ADSL: variants seen among roughly 807,000 people sequenced by gnomAD.
ADSL encodes adenylosuccinate lyase.
A neutral mutation model predicts 62.1 loss-of-function variants in ADSL; 44 were observed. The ratio of observed to expected loss-of-function variants is 0.71; its 90% CI spans 0.56 to 0.91. The LOEUF is 0.91. ADSL is among the 40% of genes least tolerant of loss of function. The pLI is 0.00. For synonymous variants in ADSL, 198 were observed against 220.5 expected (o/e 0.90, Z 0.90); for missense variants, 531 against 627.4 (o/e 0.85, Z 1.64).
chr22:40,356,803 A>G (rs1463393920), intron 4 of ADSL, among the ~76,000 whole-genome samples: 1 of 152,120 alleles, frequency 6.6e-6, no homozygotes. Context: ...TGATTATACC[A>G]GCGTGTGCCA....
intron 1 of ADSL, among the ~76,000 whole-genome samples, chr22:40,347,900 A>G (rs1263638076): frequency 6.6e-6 from 1 of 152,232 alleles, no homozygotes; most frequent in African/African-American, 2.4e-5. Flanking sequence ...GTGATGTACT[A>G]GTGTGTACTC....
chr22:40,347,469 C>T (rs1351808250), intron 1 of ADSL: 2 of 152,246 alleles, frequency 1.3e-5, no homozygotes, highest in African/African-American at 4.8e-5. Flanking sequence ...GAAGGTGATC[C>T]AGAGAGCGAT....
intron 1 of ADSL, among the ~76,000 whole-genome samples, chr22:40,349,181 G>A (rs995848657): frequency 1.3e-5 from 2 of 152,098 alleles, no homozygotes; most frequent in African/African-American, 4.8e-5. Flanking sequence ...AAAATGTCAT[G>A]TGGTGATAAG....
chr22:40,370,173 CTACTAAAAATACTG>C (rs1328865321), downstream of ADSL, among the ~76,000 whole-genome samples: 2 of 151,880 alleles, frequency 1.3e-5, no homozygotes, highest in Admixed American at 6.6e-5. Context: ...AACCCCGTCT[CTACTAAAAATACTG>C]TACTAAAAAT....
chr22:40,359,323 G>T lies in ADSL; in HGVS notation c.701+17G>T, dbSNP rs1231653164. The T allele has an allele frequency of 6.2e-7, 1 of 1,613,000 alleles. No homozygotes were observed. The highest frequency in any genetic ancestry group is 1.3e-5 in the African/African-American group (1 of 74,890). On this transcript the variant is annotated intron_variant, in intron 6 of 12. Transcript: ENST00000623063. ...ATTTAAGAGGTAGGTAAATGGGAAT[G>T]TGTTGGCCTCCCTGTTAAGTTGATG...
At chr22:40,378,058 T>C (rs937515445) in intron 2 of ADSL, 2 of 152,174 alleles carry the variant, frequency 1.3e-5, no homozygotes, top group Admixed American at 6.5e-5. Flanking sequence ...ACTGTCTTGG[T>C]ATGTGGAAAT....
chr22:40,364,152 C>T (rs2044903975), intron 10 of ADSL, 124 bp from the exon 11 acceptor site: 2 of 758,394 alleles, frequency 2.6e-6, no homozygotes, highest in South Asian at 2.9e-5. Context: ...AATAAAACAA[C>T]TTGTTACTCT....
chr22:40,360,301 T>A, intron 6 of ADSL, 101 bp from the exon 7 acceptor site: 7 of 932,106 alleles, frequency 7.5e-6, no homozygotes, highest in Non-Finnish European at 1.2e-5. Context: ...GTTAAAGCAG[T>A]CCTCCTCCGT....
At chr22:40,379,146 C>T (rs1002834918) in intron 2 of ADSL, among the ~76,000 whole-genome samples, 9 of 152,124 alleles carry the variant, frequency 5.9e-5, no homozygotes, top group African/African-American at 2.2e-4. Flanking sequence ...TACTTCTTTC[C>T]CCTCTAGAAT....
intron 2 of ADSL, among the ~76,000 whole-genome samples, chr22:40,383,200 G>A (rs1429341611): frequency 6.6e-6 from 1 of 152,052 alleles, no homozygotes; most frequent in African/African-American, 2.4e-5. Flanking sequence ...GGGTGCAGTG[G>A]CTCACACCTG....
At chr22:40,354,019 T>C in intron 3 of ADSL, 1 of 588,224 alleles carries the variant, frequency 1.7e-6, no homozygotes, top group Non-Finnish European at 3.0e-6. Context: ...TTTTCTGCCG[T>C]GGTCTTAAAA....
intron 9 of ADSL, among the ~76,000 whole-genome samples, chr22:40,362,338 C>T (rs1380356076): frequency 1.3e-5 from 2 of 152,190 alleles, no homozygotes; most frequent in African/African-American, 2.4e-5. Context: ...CGATTTATCT[C>T]TGGAAATAAG....
At chr22:40,387,207 C>T (rs1345128754) in intron 2 of ADSL, 1 of 398,346 alleles carries the variant, frequency 2.5e-6, no homozygotes, top group Non-Finnish European at 4.4e-6. Context: ...ATTATTTTTC[C>T]TTCTTTCATA....
rs1472483603 is a variant in ADSL, at chr22:40,366,471, G to A, written c.1404G>A (p.Leu468=). Residue 468 remains leucine, a synonymous_variant, in exon 13 of 13, where the codon CTG becomes CTA. Coordinates refer to ENST00000623063, the MANE Select transcript of ADSL (RefSeq NM_000026.4). The stretch of plus-strand genomic sequence containing the variant: ...TCTTAGAAGAGGAGGTGTATCCCCT[G>A]TTAAAACCATATGAAAGCGTGATGA... ...QRFLEEEVYP[L]LKPYESVMKV... The A allele has an allele frequency of 1.9e-6, 3 of 1,613,672 alleles. No individual in the cohort carries two copies. The highest frequency in any genetic ancestry group is 8.5e-7 in the Non-Finnish European group (1 of 1,179,576).
At chr22:40,371,443 C>T (rs886849385), downstream of ADSL, among the ~76,000 whole-genome samples, 1 of 152,116 alleles carries the variant, frequency 6.6e-6, no homozygotes, top group Non-Finnish European at 1.5e-5. Flanking sequence ...CTGGAATGTT[C>T]TACACCTTTC....
In ADSL at chr22:40,382,858, G is replaced by GT. The variant is rs559128270; in HGVS notation, c.90-7372_90-7371insT. ...CCTATTATCCTAATTTTACTGATAG[G>GT]GAAGCTGAGGTTAGGGAAGATGAAT... On this transcript the variant is annotated intron_variant, in intron 2 of 2. Transcript: ENST00000498234. Among the ~76,000 whole-genome samples the GT allele has an allele frequency of 1.7e-3, 255 of 152,298 alleles. 1 individual carries two copies. Among genetic ancestry groups the GT allele is most frequent in the African/African-American group, 5.9e-3 (247 of 41,556 alleles).
In ADSL at chr22:40,346,633, G is replaced by A. The variant is rs1057522536; in HGVS notation, c.75G>A (p.Glu25=). 1 of 1,612,134 alleles carries A rather than the reference G, an allele frequency of 6.2e-7. No homozygotes were observed. Among genetic ancestry groups the A allele is most frequent in the Non-Finnish European group, 8.5e-7 (1 of 1,179,358 alleles). The change falls in exon 1 of 13, where the codon GAG becomes GAA. Residue 25 remains glutamate, a synonymous_variant. Transcript: ENST00000623063. ...TTGCCTCCCGCTATGCCAGCCCGGA[G>A]ATGTGCTTCGTGTTTAGCGACAGGT... ...SPLASRYASP[E]MCFVFSDRYK...
At chr22:40,353,424 G>A in intron 3 of ADSL, 1 of 701,922 alleles carries the variant, frequency 1.4e-6, no homozygotes. Flanking sequence ...TCCCAAGTAG[G>A]TGGGAGTACA....
In ADSL at chr22:40,367,524, C is replaced by A. The variant is rs2045041608; in HGVS notation, c.*1002C>A. The A allele has an allele frequency of 6.0e-6, 1 of 167,758 alleles. No homozygotes were observed. The highest frequency in any genetic ancestry group is 6.5e-5 in the Admixed American group (1 of 15,286). The allele number at this position is 167,758 out of a possible 1,614,324, so 10.4% of individuals were successfully genotyped here. On this transcript the variant is annotated 3_prime_UTR_variant, in exon 13 of 13. Coordinates refer to ENST00000623063, the MANE Select transcript of ADSL (RefSeq NM_000026.4). ...GTCTGTGTCATTCCTTGTTGTATTT[C>A]CAATAGCAAGAGCACATCAGATACT...
Sources: gnomAD v4.1 joint callset for allele counts (sites outside exome capture counted in the v4.1 genomes callset) on GRCh38, gnomAD v4.1.1 for gene constraint, MANE v1.5 for transcripts, NCBI Gene and HGNC (gene_info 2026-07-23, HGNC 2026-07-21) for gene names.